Variants in SUGCT observed in about 807,000 individuals in gnomAD.
The protein encoded by SUGCT is succinyl-CoA:glutarate CoA-transferase.
Under a neutral mutation model 55.0 loss-of-function variants are expected in SUGCT, and 41 were observed. That is an observed-to-expected ratio of 0.74 (90% CI 0.58 to 0.97). The LOEUF (loss-of-function observed/expected upper bound fraction) is 0.97. Among genes scored for constraint, SUGCT ranks in the 50% least tolerant of loss-of-function variants. SUGCT has a pLI of 0.00. For synonymous variants in SUGCT, 187 were observed against 200.4 expected (o/e 0.93, Z 0.56); for missense variants, 568 against 547.8 (o/e 1.04, Z -0.37).
the SUGCT span, among the ~76,000 whole-genome samples, chr7:40,951,866 C>T: frequency 6.6e-6 from 1 of 152,194 alleles, no homozygotes; most frequent in African/African-American, 2.4e-5. Flanking sequence ...GAGTGCTTTA[C>T]TTCCAACTAT....
chr7:40,176,426 G>A (rs887447), intron 1 of SUGCT, among the ~76,000 whole-genome samples: 80,976 of 151,790 alleles, frequency 0.53, 22,354 homozygotes, highest in African/African-American at 0.68. Context: ...CACAAATGTA[G>A]TATAATTTAT....
intron 13 of SUGCT, among the ~76,000 whole-genome samples, chr7:40,774,510 G>A (rs1789349905): frequency 1.3e-5 from 2 of 152,148 alleles, no homozygotes; most frequent in South Asian, 4.2e-4. Context: ...GTGGAGATGG[G>A]AGATTGCTGA....
chr7:41,010,432 G>C, the SUGCT span, among the ~76,000 whole-genome samples: 1 of 152,224 alleles, frequency 6.6e-6, no homozygotes, highest in South Asian at 2.1e-4. Flanking sequence ...TGAAATCTGA[G>C]AAGCCTTCTG....
intron 9 of SUGCT, among the ~76,000 whole-genome samples, chr7:40,353,349 T>C (rs1797734922): frequency 6.6e-6 from 1 of 152,190 alleles, no homozygotes; most frequent in Non-Finnish European, 1.5e-5. Context: ...TACTGTAGAA[T>C]CTTAGGTCCC....
chr7:40,607,462 G>A (rs879925826), intron 12 of SUGCT, among the ~76,000 whole-genome samples: 16 of 152,070 alleles, frequency 1.1e-4, no homozygotes, highest in East Asian at 3.9e-4. Flanking sequence ...GGAACCTAGC[G>A]TTTCCCAGTC....
At chr7:40,174,697 A>C (rs1784840154) in intron 1 of SUGCT, among the ~76,000 whole-genome samples, 1 of 152,226 alleles carries the variant, frequency 6.6e-6, no homozygotes, top group Admixed American at 6.5e-5. Context: ...AGTACAGCAG[A>C]AAAAACAAAA....
the SUGCT span, among the ~76,000 whole-genome samples, chr7:40,920,967 G>T: frequency 6.6e-6 from 1 of 152,180 alleles, no homozygotes; most frequent in South Asian, 2.1e-4. Context: ...GTATTCCTGT[G>T]CTATGCTCAC....
chr7:40,155,494 A>C (rs1783844880), intron 1 of SUGCT, among the ~76,000 whole-genome samples: 1 of 152,204 alleles, frequency 6.6e-6, no homozygotes, highest in Non-Finnish European at 1.5e-5. Flanking sequence ...TCCCACAAAA[A>C]GATCCTTGTA....
the SUGCT span, chr7:40,979,424 C>G: frequency 2.0e-5 from 3 of 152,282 alleles, no homozygotes; most frequent in African/African-American, 7.2e-5. Flanking sequence ...AGTGCTCTGG[C>G]TCTTACCAGA....
At chr7:40,344,913 C>T (rs533258008) in intron 9 of SUGCT, among the ~76,000 whole-genome samples, 1 of 152,018 alleles carries the variant, frequency 6.6e-6, no homozygotes, top group African/African-American at 2.4e-5. Context: ...AAGCAGGAAC[C>T]GTATAAAGTG....
the SUGCT span, among the ~76,000 whole-genome samples, chr7:40,911,939 A>G: frequency 6.6e-6 from 1 of 152,162 alleles, no homozygotes; most frequent in Non-Finnish European, 1.5e-5. Context: ...TCAGCTAATC[A>G]TATATGAAGA....
At chr7:40,295,630 A>G (rs138773262) in intron 8 of SUGCT, among the ~76,000 whole-genome samples, 134 of 152,316 alleles carry the variant, frequency 8.8e-4, no homozygotes, top group African/African-American at 3.0e-3. Context: ...ATGTTTCTTG[A>G]ATTTCTTCCA....
intron 8 of SUGCT, among the ~76,000 whole-genome samples, chr7:40,310,818 T>TTTC (rs1795105895): frequency 6.6e-6 from 1 of 152,212 alleles, no homozygotes; most frequent in Admixed American, 6.5e-5. Context: ...GCTCTAGTAG[T>TTTC]TTATACCTAC....
the SUGCT span, among the ~76,000 whole-genome samples, chr7:40,962,787 G>A: frequency 6.6e-6 from 1 of 152,140 alleles, no homozygotes; most frequent in Non-Finnish European, 1.5e-5. Flanking sequence ...TTTTGATAAG[G>A]AACACAGCTG....
chr7:40,821,553 G>T (rs1792013792), intron 13 of SUGCT, among the ~76,000 whole-genome samples: 1 of 152,220 alleles, frequency 6.6e-6, no homozygotes, highest in South Asian at 2.1e-4. Flanking sequence ...TATTTGCGTA[G>T]AGGTGTTTAT....
chr7:40,230,867 A>G lies in SUGCT; in HGVS notation c.485-6768A>G, dbSNP rs553044996. Among the ~76,000 whole-genome samples the G allele has an allele frequency of 4.7e-4, 71 of 152,280 alleles. 2 individuals are homozygous for G. The highest frequency in any genetic ancestry group is 1.6e-3 in the African/African-American group (68 of 41,540). ...AGCTCTGTTACTTCCTATTTGTGTG[A>G]CCTTGAGTAGGTTAGTTAACCTTTC... is the stretch of plus-strand genomic sequence containing the variant. On this transcript the variant is annotated intron_variant, in intron 6 of 13. Transcript: ENST00000335693.
At chr7:40,579,794 C>T (rs891798799) in intron 12 of SUGCT, among the ~76,000 whole-genome samples, 1 of 152,164 alleles carries the variant, frequency 6.6e-6, no homozygotes, top group Non-Finnish European at 1.5e-5. Flanking sequence ...CCTTAGCTGA[C>T]ATACCCAATG....
chr7:40,698,595 C>G (rs1282425287), intron 12 of SUGCT, among the ~76,000 whole-genome samples: 1 of 152,194 alleles, frequency 6.6e-6, no homozygotes, highest in Non-Finnish European at 1.5e-5. Context: ...TCAACACAGT[C>G]TATTGAAATA....
chr7:40,685,332 T>C (rs1434760555), intron 12 of SUGCT, among the ~76,000 whole-genome samples: 1 of 152,226 alleles, frequency 6.6e-6, no homozygotes, highest in Non-Finnish European at 1.5e-5. Context: ...GATATTCCTC[T>C]TGGAGCCCTC....
Sources: allele counts gnomAD v4.1 joint callset (sites outside exome capture counted in the v4.1 genomes callset), GRCh38; gene constraint gnomAD v4.1.1; transcripts MANE v1.5; gene names NCBI Gene and HGNC (gene_info 2026-07-23, HGNC 2026-07-21).